The following NRXN3 variants were observed in gnomAD, a reference collection of about 807,000 sequenced individuals.
NRXN3 encodes neurexin III.
Under a neutral mutation model 137.6 loss-of-function variants are expected in NRXN3, and 32 were observed. The observed-to-expected ratio is 0.23, with a 90% CI of 0.18 to 0.31. The LOEUF is 0.31. Ranked by LOEUF, NRXN3 falls within the 10% of genes least tolerant of loss-of-function variation. The pLI is 1.00. For synonymous variants in NRXN3, 798 were observed against 784.5 expected (o/e 1.02, Z -0.29); for missense variants, 1,574 against 2,062.5 (o/e 0.76, Z 4.59).
intron 4 of NRXN3, among the ~76,000 whole-genome samples, chr14:78,576,914 T>C (rs913232207): frequency 5.9e-5 from 9 of 152,356 alleles, no homozygotes; most frequent in Admixed American, 5.2e-4. Context: ...TAAGACTTCC[T>C]GGCTTTCCAG....
intron 10 of NRXN3, among the ~76,000 whole-genome samples, chr14:78,914,281 G>T (rs1364985363): frequency 6.6e-6 from 1 of 152,184 alleles, no homozygotes; most frequent in Non-Finnish European, 1.5e-5. Flanking sequence ...GCTAAGCATT[G>T]TCCAAGGAAG....
intron 15 of NRXN3, among the ~76,000 whole-genome samples, chr14:78,999,741 C>T (rs1174936997): frequency 6.6e-6 from 1 of 152,138 alleles, no homozygotes; most frequent in African/African-American, 2.4e-5. Flanking sequence ...AATGGTTTTA[C>T]AGCGGATCAT....
At chr14:79,164,781 T>C (rs1412208957) in intron 15 of NRXN3, among the ~76,000 whole-genome samples, 1 of 152,024 alleles carries the variant, frequency 6.6e-6, no homozygotes, top group East Asian at 1.9e-4. Flanking sequence ...TTGTGAGTTT[T>C]CTAAGACTGT....
At chr14:78,682,194 A>G (rs1187773272) in intron 6 of NRXN3, among the ~76,000 whole-genome samples, 1 of 151,970 alleles carries the variant, frequency 6.6e-6, no homozygotes, top group Admixed American at 6.5e-5. Flanking sequence ...GGTTCATTCC[A>G]GTGCTGAAAA....
intron 16 of NRXN3, among the ~76,000 whole-genome samples, chr14:79,490,427 C>T (rs143293718): frequency 7.7e-4 from 117 of 152,174 alleles, no homozygotes; most frequent in African/African-American, 2.7e-3. Flanking sequence ...TGTCCATTAA[C>T]AGATGAATGG....
intron 19 of NRXN3, among the ~76,000 whole-genome samples, chr14:79,786,286 G>A (rs1386537520): frequency 6.6e-6 from 1 of 152,106 alleles, no homozygotes; most frequent in Non-Finnish European, 1.5e-5. Flanking sequence ...TCCCAATTTG[G>A]CTACAAAAGT....
At position 79,158,630 on chromosome 14, in the gene NRXN3, A is replaced by T. The variant is rs957126721; in HGVS notation, c.3262+170489A>T. On this transcript the variant is annotated intron_variant, in intron 15 of 20. Transcript: ENST00000335750. The stretch of plus-strand genomic sequence containing the variant: ...CACCTTTGAAGATGGTGGCATAATT[A>T]AAGAATTACAAGGGGATTTCAGAAA... Among the ~76,000 whole-genome samples, 16 of 151,962 alleles carry T rather than the reference A, an allele frequency of 1.1e-4. 1 individual carries two copies. Among genetic ancestry groups the T allele is most frequent in the Middle Eastern group, 3.4e-3 (1 of 294 alleles).
At chr14:78,973,020 C>CAATT (rs1167872528) in intron 14 of NRXN3, 1 of 152,082 alleles carries the variant, frequency 6.6e-6, no homozygotes, top group Non-Finnish European at 1.5e-5. Flanking sequence ...TGGACAGCAG[C>CAATT]AATTGTGGGG....
At chr14:78,442,414 G>T (rs2094289738) in intron 4 of NRXN3, among the ~76,000 whole-genome samples, 1 of 152,252 alleles carries the variant, frequency 6.6e-6, no homozygotes, top group Non-Finnish European at 1.5e-5. Context: ...GAAGCTGGAA[G>T]AAGCCAGGAA....
intron 8 of NRXN3, among the ~76,000 whole-genome samples, chr14:78,771,474 G>A (rs1180540246): frequency 6.6e-6 from 1 of 152,232 alleles, no homozygotes; most frequent in Non-Finnish European, 1.5e-5. Flanking sequence ...CTGCTGAGAT[G>A]TATATTTCTG....
intron 10 of NRXN3, among the ~76,000 whole-genome samples, chr14:78,909,431 A>G (rs1031606496): frequency 1.3e-5 from 2 of 152,178 alleles, no homozygotes; most frequent in African/African-American, 4.8e-5. Flanking sequence ...GTGTTTTGAG[A>G]AAGCCAAATT....
chr14:78,224,396 G>A lies in NRXN3; in HGVS notation c.-703-17995G>A, dbSNP rs530339746. On this transcript the variant is annotated intron_variant, in intron 1 of 20. Coordinates refer to ENST00000335750, the MANE Select transcript of NRXN3 (RefSeq NM_001330195.2). ...CCCATTAACGCGTCATTTAGCATTA[G>A]GTATATCTCCTAATGCTATCCCTCC... Among the ~76,000 whole-genome samples the A allele has an allele frequency of 5.3e-5, 8 of 152,046 alleles. No homozygotes were observed. The South Asian group carries it at 1.7e-3, about 32-fold the overall frequency.
chr14:79,788,671 T>TA (rs2099136458), intron 19 of NRXN3, among the ~76,000 whole-genome samples: 1 of 152,208 alleles, frequency 6.6e-6, no homozygotes, highest in Non-Finnish European at 1.5e-5. Flanking sequence ...TTTCCCTTGA[T>TA]ATAGTTGCCT....
intron 8 of NRXN3, among the ~76,000 whole-genome samples, chr14:78,743,088 T>C (rs2098587990): frequency 6.6e-6 from 1 of 152,222 alleles, no homozygotes; most frequent in African/African-American, 2.4e-5. Context: ...TAAGATGAGC[T>C]TGGGTCAAAC....
At chr14:79,317,101 G>T (rs776051543) in intron 15 of NRXN3, among the ~76,000 whole-genome samples, 1 of 151,966 alleles carries the variant, frequency 6.6e-6, no homozygotes, top group Non-Finnish European at 1.5e-5. Context: ...GCGTGGTGGT[G>T]GGTGCCTGTA....
chr14:78,538,370 T>A (rs1471169061), intron 4 of NRXN3, among the ~76,000 whole-genome samples: 1 of 152,144 alleles, frequency 6.6e-6, no homozygotes. Context: ...ATTCTCTTTG[T>A]AGCAATTGTG....
At chr14:79,342,971 G>A (rs1206125245) in intron 15 of NRXN3, among the ~76,000 whole-genome samples, 1 of 152,114 alleles carries the variant, frequency 6.6e-6, no homozygotes, top group African/African-American at 2.4e-5. Context: ...AGGGGCTTGG[G>A]AAGTGGGGAT....
chr14:79,440,470 A>C (rs2095917136), intron 15 of NRXN3, among the ~76,000 whole-genome samples: 1 of 152,196 alleles, frequency 6.6e-6, no homozygotes, highest in South Asian at 2.1e-4. Flanking sequence ...TCACTGACAC[A>C]AGTGAAATAA....
chr14:78,890,598 A>G (rs572204123), intron 10 of NRXN3, among the ~76,000 whole-genome samples: 2 of 151,852 alleles, frequency 1.3e-5, no homozygotes, highest in East Asian at 3.9e-4. Context: ...GCATTTCTAT[A>G]GCCTCTTCTT....
Sources: gnomAD v4.1 joint callset for allele counts (sites outside exome capture counted in the v4.1 genomes callset) on GRCh38, gnomAD v4.1.1 for gene constraint, MANE v1.5 for transcripts, NCBI Gene and HGNC (gene_info 2026-07-23, HGNC 2026-07-21) for gene names.